The following DMD variants were observed in gnomAD, a reference collection of about 807,000 sequenced individuals.
DMD encodes the protein dystrophin.
In DMD, 63 loss-of-function variants were observed where a neutral mutation model predicts 330.1. The ratio of observed to expected loss-of-function variants is 0.19; its 90% CI spans 0.16 to 0.24. The LOEUF (loss-of-function observed/expected upper bound fraction) is 0.24, where lower values mean the gene tolerates loss of function less well. DMD is among the 10% of genes least tolerant of loss of function. The pLI, the probability that DMD is intolerant of heterozygous loss-of-function variation, is 1.00. For synonymous variants in DMD, 1,223 were observed against 959.8 expected (o/e 1.27, Z -5.07); for missense variants, 3,344 against 2,684.1 (o/e 1.25, Z -5.43).
intron 7 of DMD, among the ~76,000 whole-genome samples, chrX:32,709,399 T>G (rs1315662587): frequency 8.9e-6 from 1 of 111,746 alleles, no homozygotes; most frequent in Non-Finnish European, 1.9e-5. Flanking sequence ...ATAGCTGAGA[T>G]TGATTTTCAT....
At chrX:31,716,323 G>C in intron 52 of DMD, among the ~76,000 whole-genome samples, 1 of 112,137 alleles carries the variant, frequency 8.9e-6, no homozygotes, top group African/African-American at 3.2e-5. Flanking sequence ...AGGCCGAGGC[G>C]GGTGGATCAC....
At chrX:32,395,808 GGA>G (rs769810149) in intron 30 of DMD, among the ~76,000 whole-genome samples, 2 of 111,125 alleles carry the variant, frequency 1.8e-5, no homozygotes, top group African/African-American at 6.5e-5. Context: ...TAATTTAATG[GGA>G]GGAAAGACTG....
At chrX:31,496,745 T>A in intron 57 of DMD, 43 bp downstream of exon 57, 3 of 1,195,707 alleles carry the variant, frequency 2.5e-6, no homozygotes, top group Non-Finnish European at 3.4e-6. Flanking sequence ...TGGATTACTA[T>A]GTGCTTAACA....
At chrX:32,913,598 G>A (rs184833386) in intron 2 of DMD, among the ~76,000 whole-genome samples, 153 of 111,806 alleles carry the variant, frequency 1.4e-3, no homozygotes, top group African/African-American at 4.6e-3. Flanking sequence ...AATCCAGTTG[G>A]AACTGTGTAG....
intron 1 of DMD, among the ~76,000 whole-genome samples, chrX:33,240,273 TA>T (rs1390975192): frequency 8.9e-6 from 1 of 112,001 alleles, no homozygotes; most frequent in Admixed American, 9.5e-5. Context: ...TTCTCTACTT[TA>T]AAATCAACCT....
chrX:31,593,319 G>T (rs2076963570), intron 55 of DMD, among the ~76,000 whole-genome samples: 1 of 111,080 alleles, frequency 9.0e-6, no homozygotes, highest in Admixed American at 9.6e-5. Flanking sequence ...TCTTCCAACT[G>T]GATACTAGAC....
intron 55 of DMD, among the ~76,000 whole-genome samples, chrX:31,615,513 A>C (rs1210016576): frequency 9.0e-6 from 1 of 111,727 alleles, no homozygotes; most frequent in Non-Finnish European, 1.9e-5. Flanking sequence ...TATTTTCCCA[A>C]GGAGGGCATT....
At chrX:31,868,100 G>A (rs1016181712) in intron 48 of DMD, among the ~76,000 whole-genome samples, 2 of 111,350 alleles carry the variant, frequency 1.8e-5, no homozygotes, top group African/African-American at 6.5e-5. Flanking sequence ...AAATAACTTC[G>A]AGATTATACC....
intron 48 of DMD, among the ~76,000 whole-genome samples, chrX:31,871,401 T>C (rs926919206): frequency 1.8e-5 from 2 of 111,304 alleles, no homozygotes; most frequent in African/African-American, 6.5e-5. Context: ...AGCTTTTTTT[T>C]ATCTGGGTTT....
intron 52 of DMD, among the ~76,000 whole-genome samples, chrX:31,694,649 TAC>T (rs1556821033): frequency 0.052 from 3,892 of 75,313 alleles, 122 homozygotes; most frequent in Admixed American, 0.095. Context: ...TATATATATA[TAC>T]ACACACATAT....
intron 44 of DMD, among the ~76,000 whole-genome samples, chrX:32,180,192 C>T (rs2096922479): frequency 9.0e-6 from 1 of 111,599 alleles, no homozygotes; most frequent in African/African-American, 3.3e-5. Flanking sequence ...AGAAAAGATC[C>T]TAGACTTTCC....
At chrX:31,178,444 T>C in intron 70 of DMD, 2 of 939,825 alleles carry the variant, frequency 2.1e-6, no homozygotes, top group East Asian at 4.4e-5. Context: ...TTTTTTTTTT[T>C]TTTCCCCCTG....
intron 51 of DMD, among the ~76,000 whole-genome samples, chrX:31,766,395 G>T (rs914300265): frequency 2.7e-5 from 3 of 111,601 alleles, no homozygotes; most frequent in Non-Finnish European, 5.6e-5. Flanking sequence ...AGTAGCTGGG[G>T]CTACAGGCAT....
chrX:32,184,832 CTTTT>C (rs78157427), intron 44 of DMD, among the ~76,000 whole-genome samples: 7 of 60,674 alleles, frequency 1.2e-4, no homozygotes, highest in African/African-American at 4.1e-4. Flanking sequence ...CTACAGATGT[CTTTT>C]TTTTTTTTTT....
chrX:32,272,149 A>G (rs750619314), intron 43 of DMD, among the ~76,000 whole-genome samples: 4 of 112,260 alleles, frequency 3.6e-5, no homozygotes, highest in Non-Finnish European at 5.6e-5. Context: ...TGTAAGACAT[A>G]TAAACTCATG....
chrX:32,173,061 A>G (rs2096893391), intron 44 of DMD, among the ~76,000 whole-genome samples: 1 of 77,080 alleles, frequency 1.3e-5, no homozygotes, highest in South Asian at 6.0e-4. Context: ...GTGATACCTG[A>G]TTTTGGTGTG....
chrX:32,917,129 C>A (rs758641116), intron 2 of DMD, among the ~76,000 whole-genome samples: 1 of 107,864 alleles, frequency 9.3e-6, no homozygotes, highest in Non-Finnish European at 1.9e-5. Flanking sequence ...TGAGTTCTCA[C>A]GAGATCTGAT....
At chrX:33,215,239 C>T (rs183563490), upstream of DMD, among the ~76,000 whole-genome samples, 237 of 107,245 alleles carry the variant, frequency 2.2e-3, 2 homozygotes, top group African/African-American at 8.0e-3. Flanking sequence ...GCTGGAGAAT[C>T]GCTTGAGCAG....
chrX:31,985,187 C>A (rs1180658909), intron 44 of DMD, among the ~76,000 whole-genome samples: 2 of 112,035 alleles, frequency 1.8e-5, no homozygotes, highest in Non-Finnish European at 3.8e-5. Flanking sequence ...TAGAATATTA[C>A]CTTCTGCCAT....
Sources: gnomAD v4.1 joint callset for allele counts (sites outside exome capture counted in the v4.1 genomes callset) on GRCh38, gnomAD v4.1.1 for gene constraint, MANE v1.5 for transcripts, NCBI Gene and HGNC (gene_info 2026-07-23, HGNC 2026-07-21) for gene names.